Variants in MYO9A observed in about 807,000 individuals in gnomAD.
The protein encoded by MYO9A is myosin IXA.
MYO9A carries 103 observed loss-of-function variants against 293.3 expected under a neutral mutation model. That is an observed-to-expected ratio of 0.35 (90% CI 0.30 to 0.41). The LOEUF (loss-of-function observed/expected upper bound fraction) is 0.41, where lower values mean the gene tolerates loss of function less well. MYO9A is among the 10% of genes least tolerant of loss of function. MYO9A has a pLI of 1.00. For missense variants in MYO9A, 2,685 were observed against 3,033.0 expected (o/e 0.89, Z 2.69); for synonymous variants, 1,001 against 1,035.7 (o/e 0.97, Z 0.64).
At chr15:71,933,579 T>G in intron 18 of MYO9A, 91 bp downstream of exon 18, 1 of 1,187,642 alleles carries the variant, frequency 8.4e-7, no homozygotes, top group South Asian at 1.3e-5. Flanking sequence ...TAAGGTTATT[T>G]CTTGTTTTTT....
chr15:72,050,628 A>C (rs537143087), intron 1 of MYO9A, among the ~76,000 whole-genome samples: 10 of 151,088 alleles, frequency 6.6e-5, no homozygotes, highest in Non-Finnish European at 1.2e-4. Flanking sequence ...ATAAATAAAT[A>C]AACAAACAAA....
chr15:71,974,783 C>A (rs2076095488), intron 12 of MYO9A, among the ~76,000 whole-genome samples: 3 of 152,148 alleles, frequency 2.0e-5, no homozygotes, highest in Admixed American at 2.0e-4. Flanking sequence ...ATGTAATTTA[C>A]CCTATCTAAA....
intron 10 of MYO9A, among the ~76,000 whole-genome samples, chr15:71,993,989 T>C (rs1288330516): frequency 3.3e-5 from 5 of 150,874 alleles, no homozygotes; most frequent in Non-Finnish European, 7.4e-5. Context: ...CCCACTTTGA[T>C]AATGTTATCC....
upstream of MYO9A, chr15:72,118,171 A>G (rs555154764): frequency 2.5e-5 from 9 of 359,734 alleles, no homozygotes; most frequent in Admixed American, 1.4e-4. Context: ...CACGCCCCCT[A>G]CTGCCAGCAC....
chr15:72,056,749 G>A (rs1368143039), intron 1 of MYO9A, among the ~76,000 whole-genome samples: 2 of 152,218 alleles, frequency 1.3e-5, no homozygotes, highest in Non-Finnish European at 2.9e-5. Flanking sequence ...GTCGAGGCAG[G>A]CAGATCACCT....
intron 2 of MYO9A, 45 bp from the exon 3 acceptor site, chr15:72,032,633 A>ATT: frequency 8.1e-7 from 1 of 1,227,756 alleles, no homozygotes; most frequent in Non-Finnish European, 1.1e-6. Context: ...AAAAAAAAAA[A>ATT]TTTTTTTTTG....
intron 2 of MYO9A, chr15:72,041,417 G>A (rs371243465): frequency 1.8e-5 from 7 of 387,360 alleles, no homozygotes; most frequent in African/African-American, 4.3e-5. Context: ...GAACATCCAC[G>A]TTGTGAACAG....
At chr15:72,114,433 T>C (rs570554355) in intron 1 of MYO9A, 5 of 151,966 alleles carry the variant, frequency 3.3e-5, no homozygotes, top group African/African-American at 7.3e-5. Context: ...TGAGGGAAAA[T>C]GTACAAGGCA....
chr15:71,904,288 A>G (rs1418732266), intron 20 of MYO9A, among the ~76,000 whole-genome samples: 2 of 152,276 alleles, frequency 1.3e-5, no homozygotes, highest in African/African-American at 4.8e-5. Flanking sequence ...AAGAGAGAGG[A>G]CCTTAAAGGC....
intron 1 of MYO9A, among the ~76,000 whole-genome samples, chr15:72,056,205 A>G (rs977865583): frequency 2.0e-5 from 3 of 152,320 alleles, no homozygotes; most frequent in Non-Finnish European, 4.4e-5. Flanking sequence ...TCCAACCTGC[A>G]CAACAGGGTA....
At chr15:71,851,638 G>A (rs2055652556) in intron 36 of MYO9A, among the ~76,000 whole-genome samples, 1 of 152,114 alleles carries the variant, frequency 6.6e-6, no homozygotes, top group South Asian at 2.1e-4. Flanking sequence ...GTAGCAGATT[G>A]ATTTACCATT....
chr15:72,082,787 CAT>C (rs2079590007), intron 1 of MYO9A, among the ~76,000 whole-genome samples: 1 of 151,116 alleles, frequency 6.6e-6, no homozygotes, highest in African/African-American at 2.4e-5. Context: ...TTGATATAAT[CAT>C]GTGGTTTTTT....
intron 1 of MYO9A, among the ~76,000 whole-genome samples, chr15:72,103,373 A>C (rs1208856622): frequency 2.7e-5 from 4 of 150,400 alleles, no homozygotes; most frequent in Non-Finnish European, 4.4e-5. Flanking sequence ...GCAGCAGCAG[A>C]AGCAGAAGCA....
intron 28 of MYO9A, among the ~76,000 whole-genome samples, chr15:71,882,883 C>A (rs7176558): frequency 0.022 from 3,424 of 152,246 alleles, 120 homozygotes; most frequent in African/African-American, 0.08. Context: ...CAGCTCACTG[C>A]AGCCTCAACT....
intron 1 of MYO9A, among the ~76,000 whole-genome samples, chr15:72,111,845 A>G (rs951693910): frequency 6.6e-6 from 1 of 152,030 alleles, no homozygotes; most frequent in Non-Finnish European, 1.5e-5. Flanking sequence ...AAGGTCTCCT[A>G]TGTTGCCCAG....
At chr15:72,046,724 A>T in intron 1 of MYO9A, 90 bp from the exon 2 acceptor site, 1 of 821,248 alleles carries the variant, frequency 1.2e-6, no homozygotes, top group Non-Finnish European at 1.8e-6. Context: ...CATGTTGATT[A>T]CATCTTCTAA....
rs1418920366 is a variant in MYO9A, at chr15:72,008,039, C to T, written c.1254-87G>A. ...TAAAATTCTAGTTAAGCAAATTAAC[C>T]TACAAATATGAAGTATTTAGTCTTT... On this transcript the variant is annotated intron_variant, in intron 7 of 41. Transcript: ENST00000356056. 4.8e-6 allele frequency: 7 copies of T among 1,449,088 alleles called. No homozygotes were observed. The East Asian group carries it at 1.4e-4, about 29-fold the overall frequency. The allele number at this position is 1,449,088 out of a possible 1,614,324, so 89.8% of individuals were successfully genotyped here.
At chr15:71,982,064 G>T (rs2076288516) in intron 11 of MYO9A, among the ~76,000 whole-genome samples, 1 of 117,556 alleles carries the variant, frequency 8.5e-6, no homozygotes, top group Admixed American at 1.2e-4. Flanking sequence ...CTGTCGCCCA[G>T]GCTGGAGTGC....
intron 6 of MYO9A, among the ~76,000 whole-genome samples, chr15:72,016,803 A>C (rs1163701955): frequency 6.6e-6 from 1 of 152,156 alleles, no homozygotes; most frequent in Non-Finnish European, 1.5e-5. Flanking sequence ...AGTTCTTCTA[A>C]AGGGAAAGAT....
Sources: allele counts gnomAD v4.1 joint callset (sites outside exome capture counted in the v4.1 genomes callset), GRCh38; gene constraint gnomAD v4.1.1; transcripts MANE v1.5; gene names NCBI Gene and HGNC (gene_info 2026-07-23, HGNC 2026-07-21).